The following ECPAS variants were observed in gnomAD, a reference collection of about 807,000 sequenced individuals.
ECPAS encodes proteasome adapter and scaffold protein ECM29.
A neutral mutation model predicts 255.1 loss-of-function variants in ECPAS; 70 were observed. The ratio of observed to expected loss-of-function variants is 0.27; its 90% CI spans 0.23 to 0.33. The LOEUF is 0.33. Ranked by LOEUF, ECPAS falls within the 10% of genes least tolerant of loss-of-function variation. ECPAS has a pLI of 1.00. For missense variants in ECPAS, 1,817 were observed against 2,206.4 expected (o/e 0.82, Z 3.54); for synonymous variants, 784 against 775.0 (o/e 1.01, Z -0.19).
intron 5 of ECPAS, among the ~76,000 whole-genome samples, chr9:111,441,441 GT>G (rs1195668801): frequency 3.3e-5 from 5 of 151,348 alleles, no homozygotes; most frequent in African/African-American, 1.2e-4. Context: ...GGAGGCAGAG[GT>G]TGCAGTGAGC....
intron 2 of ECPAS, among the ~76,000 whole-genome samples, chr9:111,457,680 C>A (rs1307751627): frequency 1.3e-5 from 2 of 152,054 alleles, no homozygotes; most frequent in Non-Finnish European, 2.9e-5. Context: ...AGGCTTGCCC[C>A]AGAGTGAAGA....
chr9:111,417,734 G>A (rs551937932), intron 17 of ECPAS, 149 bp downstream of exon 17: 61 of 776,652 alleles, frequency 7.9e-5, no homozygotes, highest in South Asian at 2.9e-4. Flanking sequence ...CAACAAGAGC[G>A]AAGCTCCATC....
At chr9:111,370,066 C>T (rs1056960600) in intron 45 of ECPAS, among the ~76,000 whole-genome samples, 1 of 152,220 alleles carries the variant, frequency 6.6e-6, no homozygotes, top group Non-Finnish European at 1.5e-5. Context: ...AGTCAAAGTG[C>T]CATCTAGCGG....
At chr9:111,406,431 G>C (rs1396895723) in intron 24 of ECPAS, among the ~76,000 whole-genome samples, 1 of 149,678 alleles carries the variant, frequency 6.7e-6, no homozygotes, top group Non-Finnish European at 1.5e-5. Context: ...TTAAGTTTTA[G>C]TGTTTGGCAG....
At chr9:111,452,597 CA>C (rs747610028) in intron 2 of ECPAS, among the ~76,000 whole-genome samples, 11 of 152,116 alleles carry the variant, frequency 7.2e-5, no homozygotes, top group Non-Finnish European at 1.5e-4. Flanking sequence ...AGCTTCATAA[CA>C]GATACTGAGA....
intron 18 of ECPAS, among the ~76,000 whole-genome samples, chr9:111,415,481 C>G (rs976776577): frequency 5.2e-4 from 79 of 152,192 alleles, no homozygotes; most frequent in African/African-American, 1.9e-3. Flanking sequence ...AGGAGGACTG[C>G]TTTAGCTCAG....
chr9:111,363,744 G>C (rs530941829), intron 48 of ECPAS, 85 bp from the exon 49 acceptor site: 1 of 711,378 alleles, frequency 1.4e-6, no homozygotes, highest in East Asian at 2.9e-5. Flanking sequence ...AAAGAAAGAT[G>C]TCCAGAAATT....
intron 17 of ECPAS, among the ~76,000 whole-genome samples, 195 bp from the exon 18 acceptor site, chr9:111,416,547 C>T (rs1330246952): frequency 6.6e-6 from 1 of 152,152 alleles, no homozygotes; most frequent in Non-Finnish European, 1.5e-5. Context: ...AGTGTATTGC[C>T]CTTTTTCCAT....
chr9:111,475,102 C>T (rs903218357), intron 1 of ECPAS, among the ~76,000 whole-genome samples: 4 of 152,164 alleles, frequency 2.6e-5, no homozygotes, highest in African/African-American at 9.7e-5. Context: ...GTTTACTTAC[C>T]GTGCTTTGTG....
chr9:111,415,986 C>T (rs2098202928), intron 18 of ECPAS, among the ~76,000 whole-genome samples: 1 of 152,148 alleles, frequency 6.6e-6, no homozygotes, highest in South Asian at 2.1e-4. Context: ...GGCTTTAAAA[C>T]CCAAATCTAA....
intron 24 of ECPAS, among the ~76,000 whole-genome samples, chr9:111,399,425 G>T (rs1287234677): frequency 6.6e-6 from 1 of 152,212 alleles, no homozygotes; most frequent in East Asian, 1.9e-4. Context: ...AAGAGAACCT[G>T]TGTGCTTGGG....
At chr9:111,457,842 C>A (rs1386312347) in intron 2 of ECPAS, among the ~76,000 whole-genome samples, 1 of 152,192 alleles carries the variant, frequency 6.6e-6, no homozygotes, top group Non-Finnish European at 1.5e-5. Flanking sequence ...CCCCCTACCC[C>A]TATAGCATTT....
chr9:111,364,806 C>G (rs2098118278), intron 48 of ECPAS, among the ~76,000 whole-genome samples: 1 of 152,132 alleles, frequency 6.6e-6, no homozygotes, highest in South Asian at 2.1e-4. Context: ...AATGTGAGGA[C>G]ACATCACTTA....
At chr9:111,470,628 G>C (rs1443865436) in intron 2 of ECPAS, among the ~76,000 whole-genome samples, 4 of 151,844 alleles carry the variant, frequency 2.6e-5, no homozygotes, top group Admixed American at 6.6e-5. Context: ...ATGATTCCAG[G>C]CTACTTCAAA....
intron 24 of ECPAS, among the ~76,000 whole-genome samples, chr9:111,406,072 A>G (rs999297870): frequency 3.3e-5 from 5 of 149,934 alleles, no homozygotes; most frequent in Admixed American, 2.0e-4. Context: ...TTGTGCTCCA[A>G]TGTTTACTGC....
At chr9:111,416,958 C>T (rs1271853310) in intron 17 of ECPAS, among the ~76,000 whole-genome samples, 3 of 152,156 alleles carry the variant, frequency 2.0e-5, no homozygotes, top group Non-Finnish European at 4.4e-5. Context: ...CTTATGAACA[C>T]GGTGGGAAGA....
At position 111,361,366 on chromosome 9, in the gene ECPAS, A is replaced by G. The variant is rs1469679869; in HGVS notation, c.*664T>C. On this transcript the variant is annotated 3_prime_UTR_variant, in exon 50 of 50. Transcript: ENST00000684092. Reference sequence around the variant, plus strand: ...ATCATTTTCTCCAAATCAACCACCTAAACACATGACAAGACAATGTTTAGC... The same window carrying G: ...ATCATTTTCTCCAAATCAACCACCTGAACACATGACAAGACAATGTTTAGC... The G allele has an allele frequency of 6.6e-6, 1 of 152,264 alleles. No individual in the cohort carries two copies. Among genetic ancestry groups the G allele is most frequent in the African/African-American group, 2.4e-5 (1 of 41,460 alleles). The allele number at this position is 152,264 out of a possible 1,614,324, so 9.4% of individuals were successfully genotyped here. A position where few individuals can be genotyped will look rare whatever the true frequency, so the allele number is the denominator to read the frequency against.
At chr9:111,477,433 T>C (rs2098297758) in intron 1 of ECPAS, among the ~76,000 whole-genome samples, 1 of 152,028 alleles carries the variant, frequency 6.6e-6, no homozygotes, top group African/African-American at 2.4e-5. Context: ...TCTTATACAC[T>C]ACAGAAGGTT....
In ECPAS at chr9:111,369,181, A is replaced by T. The variant is rs772011409; in HGVS notation, c.4975-8T>A. On this transcript the variant is annotated splice_polypyrimidine_tract_variant and splice_region_variant and intron_variant, in intron 45 of 49. Coordinates refer to ENST00000684092, the MANE Select transcript of ECPAS (RefSeq NM_001364929.1). ...ACTGCTTTCAAGTGAGTTCTAGGAT[A>T]TATCAAAGAAAAGAAAATGTAATAT... 2.0e-6 allele frequency: 3 copies of T among 1,499,062 alleles called. No homozygotes were observed. The South Asian group carries it at 4.2e-5, about 21-fold the overall frequency. The allele number at this position is 1,499,062 out of a possible 1,614,324, so 92.9% of individuals were successfully genotyped here.
Sources: allele counts gnomAD v4.1 joint callset (sites outside exome capture counted in the v4.1 genomes callset), GRCh38; gene constraint gnomAD v4.1.1; transcripts MANE v1.5; gene names NCBI Gene and HGNC (gene_info 2026-07-23, HGNC 2026-07-21).